KDELR2: variants seen among roughly 807,000 people sequenced by gnomAD.
KDELR2 encodes KDEL endoplasmic reticulum protein retention receptor 2.
KDELR2 carries 15 observed loss-of-function variants against 23.9 expected under a neutral mutation model. The ratio of observed to expected loss-of-function variants is 0.63; its 90% confidence interval spans 0.42 to 0.97. KDELR2 has a LOEUF of 0.97. Among genes scored for constraint, KDELR2 ranks in the 50% least tolerant of loss-of-function variants. KDELR2 has a pLI of 0.00. For missense variants in KDELR2, 272 were observed against 254.6 expected (o/e 1.07, Z -0.46); for synonymous variants, 119 against 106.2 (o/e 1.12, Z -0.74).
In KDELR2 at chr7:6,473,082, A is replaced by ATTTTTTTTTT. The variant is rs1206035683; in HGVS notation, c.192+1092_192+1101dup. 1.2e-3 allele frequency among the ~76,000 whole-genome samples: 110 copies of ATTTTTTTTTT among 94,586 alleles called. 4 individuals are homozygous for ATTTTTTTTTT. The highest frequency in any genetic ancestry group is 1.3e-3 in the Non-Finnish European group (67 of 51,636). The allele number at this position is 94,586 out of a possible 152,430, so 62.1% of individuals were successfully genotyped here. A position where few individuals can be genotyped will look rare whatever the true frequency, so the allele number is the denominator to read the frequency against. On this transcript the variant is annotated intron_variant, in intron 2 of 4. Coordinates refer to ENST00000258739, the MANE Select transcript of KDELR2 (RefSeq NM_006854.4). ...GCCACCATGCCTGGCTAATTTTTGT[A>ATTTTTTTTTT]TTTTTTTTTTTTTTTTTTTTTTAGA...
chr7:6,464,387 T>C (rs1785455361), intron 4 of KDELR2, among the ~76,000 whole-genome samples: 1 of 151,922 alleles, frequency 6.6e-6, no homozygotes, highest in South Asian at 2.1e-4. Context: ...GGCGTGGTGG[T>C]GCGCACCTGT....
At chr7:6,482,304 A>G in intron 1 of KDELR2, 1 of 194,276 alleles carries the variant, frequency 5.1e-6, no homozygotes. Flanking sequence ...CGGCCCTCCT[A>G]AGGTTATTTT....
chr7:6,471,173 TC>T (rs1785628355), intron 2 of KDELR2, among the ~76,000 whole-genome samples: 1 of 137,262 alleles, frequency 7.3e-6, no homozygotes, highest in South Asian at 2.3e-4. Context: ...CACATTTGTT[TC>T]GGTTTTTTTT....
intron 1 of KDELR2, among the ~76,000 whole-genome samples, chr7:6,478,668 C>A (rs535176059): frequency 7.7e-4 from 117 of 152,276 alleles, no homozygotes; most frequent in Non-Finnish European, 2.9e-4. Context: ...ATTAAGAAAT[C>A]AATTTGGAGA....
intron 2 of KDELR2, 189 bp downstream of exon 2, chr7:6,473,995 T>A: frequency 2.2e-6 from 1 of 446,074 alleles, no homozygotes; most frequent in Non-Finnish European, 4.0e-6. Flanking sequence ...CAAAAATGTA[T>A]GCTTACTGAT....
chr7:6,469,541 T>C, intron 3 of KDELR2, 55 bp downstream of exon 3: 1 of 1,554,810 alleles, frequency 6.4e-7, no homozygotes, highest in Non-Finnish European at 8.7e-7. Context: ...CCCAAAATGC[T>C]GGGATTACAG....
chr7:6,464,197 C>CAAAAAAAA (rs758537707), intron 4 of KDELR2, among the ~76,000 whole-genome samples: 4 of 38,764 alleles, frequency 1.0e-4, no homozygotes, highest in African/African-American at 2.8e-4. Flanking sequence ...AACTCTGTCT[C>CAAAAAAAA]AAAAAAAAAA....
chr7:6,469,066 C>T (rs931807376), intron 3 of KDELR2, among the ~76,000 whole-genome samples: 13 of 151,922 alleles, frequency 8.6e-5, no homozygotes, highest in African/African-American at 2.7e-4. Flanking sequence ...ATTCTCCTGC[C>T]TCAGCCTCCC....
At chr7:6,479,110 C>A (rs898060498) in intron 1 of KDELR2, among the ~76,000 whole-genome samples, 2 of 151,874 alleles carry the variant, frequency 1.3e-5, no homozygotes, top group Admixed American at 6.6e-5. Flanking sequence ...ATTTTCCTAT[C>A]ATTTCAACTA....
In KDELR2 at chr7:6,461,941, A is replaced by G. The variant is rs897549180; in HGVS notation, c.*1200T>C. The G allele has an allele frequency of 6.6e-6, 1 of 152,152 alleles. No homozygotes were observed. The highest frequency in any genetic ancestry group is 6.6e-5 in the Admixed American group (1 of 15,254). 9.4% of individuals were successfully genotyped at this position (152,152 alleles called of 1,614,324 possible). On this transcript the variant is annotated 3_prime_UTR_variant, in exon 5 of 5. Transcript: ENST00000258739. Reference sequence around the variant, plus strand: ...GTGAACTTTAAATGTCTGCAGCCCTACAGAGCTTTTGTTGCCAATTGAAAA... The same window carrying G: ...GTGAACTTTAAATGTCTGCAGCCCTGCAGAGCTTTTGTTGCCAATTGAAAA...
chr7:6,463,038 G>C lies in KDELR2; in HGVS notation c.*103C>G. On this transcript the variant is annotated 3_prime_UTR_variant, in exon 5 of 5. Coordinates refer to ENST00000258739, the MANE Select transcript of KDELR2 (RefSeq NM_006854.4). ...ACTGATGACTATCTGCAACAAAAGA[G>C]TTAAGTTTCTGATTTTCCGTATCAA... 1 of 1,614,166 alleles carries C rather than the reference G, an allele frequency of 6.2e-7. No individual in the cohort carries two copies.
chr7:6,468,291 T>C (rs1019444251), intron 3 of KDELR2, among the ~76,000 whole-genome samples: 3 of 152,132 alleles, frequency 2.0e-5, no homozygotes, highest in Admixed American at 6.5e-5. Context: ...TCTGCAAACA[T>C]GCAAATAGGT....
At chr7:6,479,530 T>C (rs1057404808) in intron 1 of KDELR2, among the ~76,000 whole-genome samples, 3 of 151,804 alleles carry the variant, frequency 2.0e-5, no homozygotes, top group Non-Finnish European at 2.9e-5. Flanking sequence ...CAGGTTGGAG[T>C]GCAGTGCACA....
intron 1 of KDELR2, among the ~76,000 whole-genome samples, chr7:6,476,753 T>C (rs1253849440): frequency 4.6e-5 from 7 of 152,266 alleles, no homozygotes; most frequent in Non-Finnish European, 7.4e-5. Context: ...GGACTGTTGA[T>C]TCATTCAGCA....
At chr7:6,466,902 C>T (rs1418171598) in intron 3 of KDELR2, among the ~76,000 whole-genome samples, 1 of 152,142 alleles carries the variant, frequency 6.6e-6, no homozygotes, top group African/African-American at 2.4e-5. Context: ...TACAATGAAG[C>T]TTCACTTGCT....
intron 1 of KDELR2, chr7:6,482,496 T>C (rs1583322788): frequency 8.8e-6 from 4 of 452,824 alleles, no homozygotes; most frequent in South Asian, 3.2e-5. Flanking sequence ...CACTGGCACA[T>C]GGACTTTGTA....
chr7:6,483,855 T>C (rs1197374955), intron 1 of KDELR2, 112 bp downstream of exon 1: 1 of 805,624 alleles, frequency 1.2e-6, no homozygotes, highest in African/African-American at 1.8e-5. Flanking sequence ...GCCGAGGGGG[T>C]GTGTCGGGCC....
chr7:6,482,832 C>CAAA (rs10525658), intron 1 of KDELR2, among the ~76,000 whole-genome samples: 9 of 122,874 alleles, frequency 7.3e-5, no homozygotes, highest in African/African-American at 2.2e-4. Context: ...CAAAAAATAG[C>CAAA]AAAAAAAAAA....
chr7:6,474,088 A>G, intron 2 of KDELR2, 96 bp downstream of exon 2: 1 of 745,480 alleles, frequency 1.3e-6, no homozygotes, highest in East Asian at 2.6e-5. Flanking sequence ...TTATTTTTGG[A>G]GCATTTTAAT....
Sources: gnomAD v4.1 joint callset for allele counts (sites outside exome capture counted in the v4.1 genomes callset) on GRCh38, gnomAD v4.1.1 for gene constraint, MANE v1.5 for transcripts, NCBI Gene and HGNC (gene_info 2026-07-23, HGNC 2026-07-21) for gene names.